KYAT3: variants seen among roughly 807,000 people sequenced by gnomAD.
KYAT3 encodes kynurenine--oxoglutarate transaminase 3.
KYAT3 carries 50 observed loss-of-function variants against 59.0 expected under a neutral mutation model. The observed-to-expected ratio is 0.85, with a 90% CI of 0.68 to 1.07. KYAT3 has a LOEUF of 1.07. KYAT3 is among the 50% of genes least tolerant of loss of function. The pLI is 0.00. For missense variants in KYAT3, 497 were observed against 533.3 expected (o/e 0.93, Z 0.67); for synonymous variants, 148 against 177.0 (o/e 0.84, Z 1.30).
At chr1:88,923,005 C>G in the KYAT3 span, among the ~76,000 whole-genome samples, 14 of 152,140 alleles carry the variant, frequency 9.2e-5, no homozygotes, top group South Asian at 2.1e-4. Flanking sequence ...TAAGGTAACA[C>G]TGACACACGG....
chr1:88,958,946 C>T (rs2101041007), intron 8 of KYAT3, among the ~76,000 whole-genome samples: 1 of 152,248 alleles, frequency 6.6e-6, no homozygotes, highest in South Asian at 2.1e-4. Flanking sequence ...CCTAGTTTTC[C>T]ACCCTGATCT....
intron 10 of KYAT3, among the ~76,000 whole-genome samples, chr1:88,951,816 A>G (rs1390947653): frequency 1.3e-5 from 2 of 152,164 alleles, no homozygotes; most frequent in Non-Finnish European, 2.9e-5. Flanking sequence ...TCTAGGTCTT[A>G]AAACCCAGAA....
chr1:88,942,994 AG>A lies in KYAT3; in HGVS notation c.1302+10del. ...ACTATATATGTGTTTTCAATAGAGC[AG>A]GGAACTTACTTTAATGAAGCAAAAA... On this transcript the variant is annotated intron_variant, in intron 13 of 13. Transcript: ENST00000260508. 1 of 1,572,124 alleles carries A rather than the reference AG, an allele frequency of 6.4e-7. No homozygotes were observed. The highest frequency in any genetic ancestry group is 8.8e-7 in the Non-Finnish European group (1 of 1,142,184).
At chr1:88,989,614 C>T (rs1331595489) in intron 1 of KYAT3, among the ~76,000 whole-genome samples, 6 of 152,134 alleles carry the variant, frequency 3.9e-5, no homozygotes, top group African/African-American at 1.4e-4. Context: ...CCAGGAATTA[C>T]ATTGCATGAT....
the KYAT3 span, among the ~76,000 whole-genome samples, chr1:88,927,501 T>C: frequency 6.6e-6 from 1 of 152,150 alleles, no homozygotes; most frequent in Admixed American, 6.5e-5. Context: ...AAGTGTGATT[T>C]ATGCCCTACA....
In KYAT3 at chr1:88,961,393, G is replaced by C. The variant is rs372200870; in HGVS notation, c.654C>G (p.Asn218Lys). 1.2e-6 allele frequency: 2 copies of C among 1,613,902 alleles called. No individual in the cohort carries two copies. ...TKAIILNTPH[N>K]PLGKVYNREE... ...GAGACTTGCTTACCTTGCCAAGTGGGTTATGTGGAGTATTTAGTATAATAG... is the reference window on the plus strand; with the variant it reads ...GAGACTTGCTTACCTTGCCAAGTGGCTTATGTGGAGTATTTAGTATAATAG... The change falls in exon 7 of 14, where the codon AAC (asparagine) becomes AAG (lysine). Residue 218 changes from asparagine (N) to lysine (K), a missense_variant. By Grantham distance (94) the Asn-to-Lys change is moderately conservative. Coordinates refer to ENST00000260508, the MANE Select transcript of KYAT3 (RefSeq NM_001008661.3).
chr1:88,982,775 G>T, intron 2 of KYAT3: 1 of 1,613,940 alleles, frequency 6.2e-7, no homozygotes, highest in Non-Finnish European at 8.5e-7. Flanking sequence ...CCTTTCTACA[G>T]AAGGGGGAAG....
At chr1:88,931,407 C>T (rs960203367), downstream of KYAT3, among the ~76,000 whole-genome samples, 3 of 152,178 alleles carry the variant, frequency 2.0e-5, no homozygotes, top group African/African-American at 4.8e-5. Flanking sequence ...ACCCCTGGAC[C>T]GGCCTGCTAG....
Position 88,969,430 on chromosome 1 carries a change from T to C in KYAT3, c.137A>G (p.Glu46Gly). The part of the protein sequence containing the change: ...SLKFTNAKRI[E>G]GLDSNVWIEF... ...TCACCACACATTACTATCAAGTCCT[T>C]CAATCCGTTTTGCATTTGTGAATTT... Residue 46 changes from glutamate (E) to glycine (G), a missense_variant, in exon 3 of 14, where the codon GAA (glutamate) becomes GGA (glycine). Physicochemically the swap from Glu to Gly is moderately conservative, Grantham distance 98 (BLOSUM62 -2). Around this residue, in one of 2 missense-constraint regions of KYAT3, gnomAD observed 469 missense variants for 479.1 expected, o/e 0.98. Transcript: ENST00000260508. 1 of 1,576,562 alleles carries C rather than the reference T, an allele frequency of 6.3e-7. No individual in the cohort carries two copies. Among genetic ancestry groups the C allele is most frequent in the Non-Finnish European group, 8.7e-7 (1 of 1,147,246 alleles).
At position 88,988,355 on chromosome 1, in the gene KYAT3, T is replaced by C. The variant is rs1028966712; in HGVS notation, c.-1-4A>G. ...GCTCCTCTGGGCCAAAAACATGCTA[T>C]TAAATAAAAGAAAAATTGAGAAGAG... is the stretch of plus-strand genomic sequence containing the variant. On this transcript the variant is annotated splice_polypyrimidine_tract_variant and splice_region_variant and intron_variant, in intron 1 of 13. Transcript: ENST00000260508. The C allele has an allele frequency of 6.3e-7, 1 of 1,596,088 alleles. No individual in the cohort carries two copies. Among genetic ancestry groups the C allele is most frequent in the East Asian group, 2.2e-5 (1 of 44,734 alleles).
At chr1:88,985,554 C>A (rs991329422) in intron 2 of KYAT3, among the ~76,000 whole-genome samples, 1 of 152,158 alleles carries the variant, frequency 6.6e-6, no homozygotes, top group African/African-American at 2.4e-5. Flanking sequence ...AGCTTTCAAG[C>A]CAGATAGATC....
intron 9 of KYAT3, among the ~76,000 whole-genome samples, chr1:88,954,109 G>A (rs1356189143): frequency 6.6e-6 from 1 of 151,966 alleles, no homozygotes; most frequent in African/African-American, 2.4e-5. Context: ...ACCATGTTAG[G>A]CTGGTTGAGA....
chr1:88,980,913 A>G (rs1473366898), intron 2 of KYAT3: 1 of 152,218 alleles, frequency 6.6e-6, no homozygotes, highest in African/African-American at 2.4e-5. Flanking sequence ...GCCAAATGAG[A>G]GTTAAAAATG....
At chr1:88,954,321 T>C (rs1675815995) in intron 9 of KYAT3, among the ~76,000 whole-genome samples, 1 of 152,228 alleles carries the variant, frequency 6.6e-6, no homozygotes, top group Non-Finnish European at 1.5e-5. Context: ...GAGCCAGACT[T>C]CCTGTACAGG....
intron 2 of KYAT3, chr1:88,981,754 C>T (rs1570835924): frequency 1.1e-5 from 2 of 182,240 alleles, no homozygotes; most frequent in East Asian, 1.9e-4. Context: ...CTTCAACCAT[C>T]TTTGCTGTTT....
At chr1:88,967,920 G>A (rs967427369) in intron 4 of KYAT3, among the ~76,000 whole-genome samples, 3 of 152,220 alleles carry the variant, frequency 2.0e-5, no homozygotes, top group East Asian at 1.9e-4. Context: ...AGTGAGTTAT[G>A]TTGAGTAGGT....
intron 1 of KYAT3, among the ~76,000 whole-genome samples, chr1:88,991,387 T>C (rs1677785479): frequency 6.6e-6 from 1 of 152,212 alleles, no homozygotes; most frequent in Non-Finnish European, 1.5e-5. Flanking sequence ...TCAAGCAAGA[T>C]TAACATGAGG....
At chr1:88,960,228 C>T (rs1266397385) in intron 8 of KYAT3, among the ~76,000 whole-genome samples, 1 of 151,754 alleles carries the variant, frequency 6.6e-6, no homozygotes, top group Non-Finnish European at 1.5e-5. Flanking sequence ...AGCCACTGTA[C>T]CTGGCCTAAA....
At chr1:88,928,832 G>T in the KYAT3 span, among the ~76,000 whole-genome samples, 1 of 152,166 alleles carries the variant, frequency 6.6e-6, no homozygotes, top group Admixed American at 6.5e-5. Context: ...GGGGTCCTAG[G>T]ACAGCCAGTT....
Sources: gnomAD v4.1 joint callset for allele counts (sites outside exome capture counted in the v4.1 genomes callset) on GRCh38, gnomAD v4.1.1 for gene constraint, gnomAD v4.1.1 regional missense constraint, MANE v1.5 for transcripts, NCBI Gene and HGNC (gene_info 2026-07-23, HGNC 2026-07-21) for gene names.